SCML4: variants seen among roughly 807,000 people sequenced by gnomAD.
SCML4 encodes Scm polycomb group protein like 4, also known as sex comb on midleg-like protein 4.
In SCML4, 34 loss-of-function variants were observed where a neutral mutation model predicts 41.1. The ratio of observed to expected loss-of-function variants is 0.83; its 90% CI spans 0.63 to 1.10. The LOEUF (loss-of-function observed/expected upper bound fraction) is 1.10. Ranked by LOEUF, SCML4 falls within the 50% of genes least tolerant of loss-of-function variation. The pLI, the probability that SCML4 is intolerant of heterozygous loss-of-function variation, is 0.00. For missense variants in SCML4, 522 were observed against 534.1 expected (o/e 0.98, Z 0.22); for synonymous variants, 214 against 220.9 (o/e 0.97, Z 0.28).
chr6:107,784,745 T>G (rs955069510), intron 1 of SCML4, among the ~76,000 whole-genome samples: 1 of 152,210 alleles, frequency 6.6e-6, no homozygotes, highest in East Asian at 1.9e-4. Context: ...GCTGCCCTAG[T>G]GCGTGGGAGG....
chr6:107,752,284 C>T (rs767959373), intron 2 of SCML4, among the ~76,000 whole-genome samples: 1 of 150,660 alleles, frequency 6.6e-6, no homozygotes, highest in East Asian at 1.9e-4. Context: ...TTGGACATGT[C>T]GAGTTTAAGA....
chr6:107,708,532 C>T (rs1773907515), intron 6 of SCML4, among the ~76,000 whole-genome samples: 1 of 152,184 alleles, frequency 6.6e-6, no homozygotes, highest in African/African-American at 2.4e-5. Context: ...TTTCGTTCTT[C>T]TCCACGGTAT....
chr6:107,822,508 C>CTTTTTTTTTTTTTTTTTTTTTTTTTTTTT (rs10677944), intron 1 of SCML4, among the ~76,000 whole-genome samples: 2 of 137,998 alleles, frequency 1.4e-5, no homozygotes, highest in East Asian at 2.0e-4. Context: ...TTTTTCTTTT[C>CTTTTTTTTTTTTTTTTTTTTTTTTTTTTT]TTTTTTTTTT....
At chr6:107,836,156 G>A in the SCML4 span, among the ~76,000 whole-genome samples, 2 of 151,828 alleles carry the variant, frequency 1.3e-5, no homozygotes, top group Non-Finnish European at 1.5e-5. Flanking sequence ...GCTTTAAGAT[G>A]TATTTTAGAA....
At chr6:107,835,921 T>C in the SCML4 span, among the ~76,000 whole-genome samples, 1 of 152,290 alleles carries the variant, frequency 6.6e-6, no homozygotes, top group Non-Finnish European at 1.5e-5. Flanking sequence ...CAGGACCTAC[T>C]AAGGTGTCCA....
chr6:107,751,575 T>TTTCTTTCC (rs1778632878), intron 2 of SCML4, among the ~76,000 whole-genome samples: 2 of 44,124 alleles, frequency 4.5e-5, no homozygotes, highest in Non-Finnish European at 9.4e-5. Context: ...TTTAACAATC[T>TTTCTTTCC]TTCTTTCTTT....
intron 5 of SCML4, among the ~76,000 whole-genome samples, chr6:107,729,933 C>T (rs1776374036): frequency 6.6e-6 from 1 of 152,188 alleles, no homozygotes; most frequent in South Asian, 2.1e-4. Context: ...GGCCATTGTG[C>T]TATGAATCTC....
At chr6:107,789,604 G>A (rs376806643) in intron 1 of SCML4, among the ~76,000 whole-genome samples, 3 of 152,354 alleles carry the variant, frequency 2.0e-5, no homozygotes, top group East Asian at 1.9e-4. Context: ...ACTTAGTCCA[G>A]ACAAAGACAG....
At chr6:107,793,510 C>T (rs1287357309) in intron 1 of SCML4, among the ~76,000 whole-genome samples, 1 of 152,214 alleles carries the variant, frequency 6.6e-6, no homozygotes, top group Non-Finnish European at 1.5e-5. Context: ...GTGTGTATTT[C>T]TCAGTGTGAA....
chr6:107,801,398 G>A (rs958276611), intron 1 of SCML4, among the ~76,000 whole-genome samples: 6 of 152,062 alleles, frequency 3.9e-5, no homozygotes, highest in Admixed American at 2.6e-4. Context: ...TCTCCTTGGC[G>A]AGACTCCAGT....
intron 1 of SCML4, among the ~76,000 whole-genome samples, chr6:107,821,547 G>A (rs1267814985): frequency 6.6e-6 from 1 of 152,200 alleles, no homozygotes; most frequent in Non-Finnish European, 1.5e-5. Context: ...CAGATTAAAA[G>A]AGGGTCTTTT....
At chr6:107,763,107 T>C (rs1028161100) in intron 2 of SCML4, among the ~76,000 whole-genome samples, 20 of 152,200 alleles carry the variant, frequency 1.3e-4, no homozygotes, top group African/African-American at 3.9e-4. Context: ...GGTCTCGAAC[T>C]CTTAGGCTCA....
intron 1 of SCML4, among the ~76,000 whole-genome samples, chr6:107,803,085 G>C (rs1034893075): frequency 6.6e-6 from 1 of 151,910 alleles, no homozygotes; most frequent in African/African-American, 2.4e-5. Flanking sequence ...GCGTGATCTC[G>C]GCTCGCTACA....
At position 107,749,796 on chromosome 6, in the gene SCML4, G is replaced by A. The variant is rs745938993; in HGVS notation, c.174C>T (p.Leu58=). 3.1e-6 allele frequency: 5 copies of A among 1,614,112 alleles called. No homozygotes were observed. Among genetic ancestry groups the A allele is most frequent in the Non-Finnish European group, 4.2e-6 (5 of 1,179,998 alleles). The change falls in exon 3 of 8, where the codon CTC becomes CTT. Residue 58 remains leucine, a synonymous_variant. Coordinates refer to ENST00000369020, the MANE Select transcript of SCML4 (RefSeq NM_198081.5). The part of the protein sequence containing the change: ...KPGYKIKSRV[L]MTPLALSPPR... ...GAGGTGAGAGGGCTAAGGGAGTCAT[G>A]AGAACCCGAGACTTGATCTGGAAGA...
chr6:107,747,485 G>A (rs995810628), intron 3 of SCML4, among the ~76,000 whole-genome samples: 1 of 151,838 alleles, frequency 6.6e-6, no homozygotes, highest in Non-Finnish European at 1.5e-5. Flanking sequence ...AAAATTGGGG[G>A]GGCACCTGTC....
chr6:107,734,342 G>T (rs771918111), intron 5 of SCML4, among the ~76,000 whole-genome samples: 1 of 152,100 alleles, frequency 6.6e-6, no homozygotes, highest in Non-Finnish European at 1.5e-5. Flanking sequence ...TTATCAAAGG[G>T]GTCAACGTGA....
intron 2 of SCML4, among the ~76,000 whole-genome samples, chr6:107,754,215 A>G (rs918916293): frequency 1.3e-5 from 2 of 152,232 alleles, no homozygotes; most frequent in Middle Eastern, 3.2e-3. Context: ...ACTATAATTA[A>G]CAATAGAGAT....
chr6:107,749,902 G>A, intron 2 of SCML4, 89 bp from the exon 3 acceptor site: 1 of 1,360,386 alleles, frequency 7.4e-7, no homozygotes, highest in East Asian at 2.4e-5. Flanking sequence ...GTTAACCATT[G>A]CTCTTCTATC....
At chr6:107,785,970 GGGTGC>G (rs1246889546) in intron 1 of SCML4, among the ~76,000 whole-genome samples, 3,109 of 152,166 alleles carry the variant, frequency 0.02, 107 homozygotes, top group African/African-American at 0.068. Context: ...GGGGGCCTTG[GGGTGC>G]TCCCATTTTG....
Sources: gnomAD v4.1 joint callset for allele counts (sites outside exome capture counted in the v4.1 genomes callset) on GRCh38, gnomAD v4.1.1 for gene constraint, MANE v1.5 for transcripts, NCBI Gene and HGNC (gene_info 2026-07-23, HGNC 2026-07-21) for gene names.